The following CLASP1 variants were observed in gnomAD, a reference collection of about 807,000 sequenced individuals.
CLASP1 encodes cytoplasmic linker associated protein 1.
In CLASP1, 38 loss-of-function variants were observed where a neutral mutation model predicts 192.3. The ratio of observed to expected loss-of-function variants is 0.20; its 90% CI spans 0.15 to 0.26. The LOEUF (loss-of-function observed/expected upper bound fraction) is 0.26, where lower values mean the gene tolerates loss of function less well. Ranked by LOEUF, CLASP1 falls within the 10% of genes least tolerant of loss-of-function variation. The pLI is 1.00. For missense variants in CLASP1, 1,433 were observed against 1,932.5 expected, an observed-to-expected ratio of 0.74 and a Z score of 4.85; for synonymous variants, 691 against 712.8, an observed-to-expected ratio of 0.97 and a Z score of 0.49.
intron 36 of CLASP1, 43 bp downstream of exon 37, chr2:121,365,051 A>G (rs1189376035): frequency 1.9e-6 from 3 of 1,574,056 alleles, no homozygotes; most frequent in Non-Finnish European, 2.6e-6. Context: ...TCGTGACCCC[A>G]TTACATGGAA....
chr2:121,406,793 G>A lies in CLASP1; in HGVS notation c.2669+678C>T, dbSNP rs145521802. ...TTTTGTAGAGATGGGGTCTCCCTTT[G>A]TTGCCCAGGCTGGTCTCGAACTCCT... On this transcript the variant is annotated intron_variant, in intron 25 of 39. Transcript: ENST00000263710. Among the ~76,000 whole-genome samples, 110 of 152,210 alleles carry A rather than the reference G, an allele frequency of 7.2e-4. 1 individual carries two copies. The highest frequency in any genetic ancestry group is 2.4e-3 in the African/African-American group (101 of 41,532).
At chr2:121,399,589 T>A (rs990696941) in intron 28 of CLASP1, among the ~76,000 whole-genome samples, 9 of 152,182 alleles carry the variant, frequency 5.9e-5, no homozygotes, top group African/African-American at 2.2e-4. Flanking sequence ...CTATTAGCAG[T>A]CGCTGACTAT....
chr2:121,423,725 C>T (rs2079923432), intron 22 of CLASP1, among the ~76,000 whole-genome samples: 1 of 152,174 alleles, frequency 6.6e-6, no homozygotes, highest in Non-Finnish European at 1.5e-5. Context: ...CATCAACACC[C>T]AAATAACTTG....
At chr2:121,496,615 C>A (rs1293907063) in intron 8 of CLASP1, among the ~76,000 whole-genome samples, 1 of 152,138 alleles carries the variant, frequency 6.6e-6, no homozygotes, top group East Asian at 1.9e-4. Flanking sequence ...GCAGAGAACA[C>A]TGGGACTAAG....
chr2:121,574,220 CG>C (rs2060248572), intron 2 of CLASP1, among the ~76,000 whole-genome samples: 1 of 151,468 alleles, frequency 6.6e-6, no homozygotes, highest in African/African-American at 2.4e-5. Context: ...CCCAGTTACT[CG>C]GGAGGCTGAG....
chr2:121,558,402 C>A (rs1020646212), intron 2 of CLASP1, among the ~76,000 whole-genome samples: 5 of 152,090 alleles, frequency 3.3e-5, no homozygotes, highest in Admixed American at 3.3e-4. Context: ...CCAAATTTCA[C>A]GTTATAAATT....
At chr2:121,377,578 G>C (rs766048276) in exon 34 of CLASP1, 1 of 1,596,592 alleles carries the variant, frequency 6.3e-7, no homozygotes, top group Non-Finnish European at 8.5e-7. Context: ...CTTTTCAATG[G>C]CTTCTGTAAC....
intron 9 of CLASP1, among the ~76,000 whole-genome samples, chr2:121,468,370 A>G (rs1266017481): frequency 9.9e-5 from 15 of 152,186 alleles, no homozygotes; most frequent in Admixed American, 8.5e-4. Context: ...TTTGGGCAGT[A>G]TGGCCATTTC....
chr2:121,484,141 T>C (rs1253174583), intron 8 of CLASP1, among the ~76,000 whole-genome samples: 1 of 152,232 alleles, frequency 6.6e-6, no homozygotes, highest in Non-Finnish European at 1.5e-5. Flanking sequence ...AGGTACAGGA[T>C]ATCTTTAAAG....
intron 8 of CLASP1, among the ~76,000 whole-genome samples, chr2:121,476,632 G>A: frequency 6.6e-6 from 1 of 152,112 alleles, no homozygotes; most frequent in East Asian, 1.9e-4. Flanking sequence ...CTTCTTCTGA[G>A]GCAGGCTTTG....
intron 19 of CLASP1, chr2:121,445,472 A>T: frequency 7.8e-7 from 1 of 1,289,594 alleles, no homozygotes; most frequent in South Asian, 1.2e-5. Flanking sequence ...TATGTACTCC[A>T]TGTCTTCCCT....
intron 2 of CLASP1, among the ~76,000 whole-genome samples, chr2:121,594,682 C>T (rs760936457): frequency 1.2e-4 from 19 of 152,222 alleles, no homozygotes; most frequent in African/African-American, 3.6e-4. Context: ...TGAGCCACTG[C>T]GCCCGGCCAG....
At chr2:121,598,019 CT>C (rs1265223739) in intron 2 of CLASP1, among the ~76,000 whole-genome samples, 2 of 152,182 alleles carry the variant, frequency 1.3e-5, no homozygotes, top group African/African-American at 4.8e-5. Context: ...CCACTTTTCC[CT>C]TTCTGCAAGT....
intron 2 of CLASP1, among the ~76,000 whole-genome samples, chr2:121,567,734 C>T (rs183597025): frequency 4.4e-4 from 67 of 152,338 alleles, no homozygotes; most frequent in African/African-American, 1.5e-3. Context: ...AATCTCTACC[C>T]TAATTATCCT....
At chr2:121,367,787 C>A in exon 35 of CLASP1, 2 of 1,613,862 alleles carry the variant, frequency 1.2e-6, no homozygotes, top group Non-Finnish European at 1.7e-6. Context: ...CACTACCCCC[C>A]CGGCCCTCAG....
At chr2:121,424,446 T>C (rs1381605735) in intron 22 of CLASP1, among the ~76,000 whole-genome samples, 2 of 152,234 alleles carry the variant, frequency 1.3e-5, no homozygotes, top group Admixed American at 6.5e-5. Flanking sequence ...AAAGAAGTCA[T>C]AGAGTATGAA....
At chr2:121,590,866 GA>G (rs1410343042) in intron 2 of CLASP1, among the ~76,000 whole-genome samples, 2 of 141,774 alleles carry the variant, frequency 1.4e-5, no homozygotes, top group African/African-American at 5.7e-5. Context: ...AAAATTATTT[GA>G]TTTTTTTTTT....
chr2:121,447,719 T>A (rs150687886), intron 18 of CLASP1, among the ~76,000 whole-genome samples: 1 of 152,326 alleles, frequency 6.6e-6, no homozygotes, highest in East Asian at 1.9e-4. Flanking sequence ...TTGTAATGTA[T>A]CAATTACATT....
intron 23 of CLASP1, among the ~76,000 whole-genome samples, chr2:121,417,985 C>T (rs1015928093): frequency 9.2e-5 from 14 of 152,160 alleles, no homozygotes; most frequent in African/African-American, 2.9e-4. Flanking sequence ...GACATCTGTA[C>T]AGCACTTAAC....
Sources: gnomAD v4.1 joint callset for allele counts (sites outside exome capture counted in the v4.1 genomes callset) on GRCh38, gnomAD v4.1.1 for gene constraint, MANE v1.5 for transcripts, NCBI Gene and HGNC (gene_info 2026-07-23, HGNC 2026-07-21) for gene names.